The following KY variants were observed in gnomAD, a reference collection of about 807,000 sequenced individuals.
The protein encoded by KY is kyphoscoliosis peptidase.
In KY, 43 loss-of-function variants were observed where a neutral mutation model predicts 76.1. That is an observed-to-expected ratio of 0.57 (90% CI 0.44 to 0.73). KY has a LOEUF of 0.73. Ranked by LOEUF, KY falls within the 30% of genes least tolerant of loss-of-function variation. KY has a pLI of 0.00. For missense variants in KY, 722 were observed against 828.9 expected (o/e 0.87, Z 1.58); for synonymous variants, 277 against 326.2 (o/e 0.85, Z 1.63).
At chr3:134,644,914 G>A (rs1966252177) in intron 2 of KY, among the ~76,000 whole-genome samples, 1 of 152,230 alleles carries the variant, frequency 6.6e-6, no homozygotes. Context: ...CCAATACAGG[G>A]TGATGTGGCA....
chr3:134,625,921 G>A (rs1218487222), intron 5 of KY, among the ~76,000 whole-genome samples: 3 of 152,224 alleles, frequency 2.0e-5, no homozygotes, highest in Non-Finnish European at 4.4e-5. Context: ...CTGATGCAGG[G>A]CCAGCAATCA....
chr3:134,641,300 T>C (rs990782705), intron 3 of KY: 1 of 152,172 alleles, frequency 6.6e-6, no homozygotes, highest in Admixed American at 6.5e-5. Context: ...CCTAATATGG[T>C]AAAGAGGACT....
Position 134,601,535 on chromosome 3 carries a change from G to A in KY, c.*2044C>T, listed in dbSNP as rs1392197002. ...AGCCCATAAAATCAGAAGTGTGCAA[G>A]ACGGCTGTTTTCAGGGTGTAAAACT... is the stretch of plus-strand genomic sequence containing the variant. On this transcript the variant is annotated 3_prime_UTR_variant, in exon 11 of 11. Coordinates refer to ENST00000423778, the MANE Select transcript of KY (RefSeq NM_178554.6). Among the ~76,000 whole-genome samples the A allele has an allele frequency of 1.3e-5, 2 of 152,380 alleles. No individual in the cohort carries two copies. The highest frequency in any genetic ancestry group is 3.9e-4 in the East Asian group (2 of 5,192).
At chr3:134,644,387 C>T (rs1966176097) in intron 2 of KY, among the ~76,000 whole-genome samples, 1 of 152,216 alleles carries the variant, frequency 6.6e-6, no homozygotes, top group Non-Finnish European at 1.5e-5. Context: ...CTTACTTGCC[C>T]TCCCAGGGGA....
rs75888139 is a variant in KY, at chr3:134,644,750, G to T, written c.200-1372C>A. Among the ~76,000 whole-genome samples, 1,074 of 152,332 alleles carry T rather than the reference G, an allele frequency of 7.1e-3. 11 individuals carry two copies. The highest frequency in any genetic ancestry group is 0.024 in the African/African-American group (1,002 of 41,570). On this transcript the variant is annotated intron_variant, in intron 2 of 10. Coordinates refer to ENST00000423778, the MANE Select transcript of KY (RefSeq NM_178554.6). ...GGCCCATGCAGAAGCCAATCAAGGT[G>T]GGGGGTGAGGTACTGAGCCAGGCTG...
rs548777705 is a variant in KY at position 134,608,461 on chromosome 3, C to T, written c.1090+188G>A. ...TGATGTGGCCTATGGCCCTTCCCTG[C>T]CCTGATGGCCTGGGCTGCCTCAGCA... On this transcript the variant is annotated intron_variant, in intron 10 of 10. Transcript: ENST00000423778. The T allele has an allele frequency of 1.7e-4, 252 of 1,526,944 alleles. No individual in the cohort carries two copies. Among genetic ancestry groups the T allele is most frequent in the Admixed American group, 1.6e-3 (82 of 50,640 alleles). The allele number at this position is 1,526,944 out of a possible 1,614,324, so 94.6% of individuals were successfully genotyped here.
chr3:134,605,762 G>A lies in KY; in HGVS notation c.1091-1288C>T, dbSNP rs149101299. Among the ~76,000 whole-genome samples the A allele has an allele frequency of 1.0e-4, 15 of 150,642 alleles. No homozygotes were observed. In the East Asian group the frequency reaches 2.6e-3, roughly 26 times the overall value. ...CACCCTCCAGTGACTTCCTAATAAC[G>A]AGGCCTCTCAGACCTTGGAGGACCT... On this transcript the variant is annotated intron_variant, in intron 10 of 10. Transcript: ENST00000423778.
chr3:134,645,695 C>T (rs1966360967), intron 2 of KY, among the ~76,000 whole-genome samples: 1 of 152,170 alleles, frequency 6.6e-6, no homozygotes, highest in African/African-American at 2.4e-5. Flanking sequence ...CTCTGTGGAG[C>T]CTCTGTCCAG....
At chr3:134,647,247 G>T (rs1474853573) in intron 2 of KY, among the ~76,000 whole-genome samples, 188 bp downstream of exon 2, 1 of 152,194 alleles carries the variant, frequency 6.6e-6, no homozygotes, top group African/African-American at 2.4e-5. Context: ...GGAGAGCAGG[G>T]GACCTGACTC....
chr3:134,612,206 A>G (rs7633868), intron 8 of KY, among the ~76,000 whole-genome samples: 95,418 of 152,038 alleles, frequency 0.63, 30,411 homozygotes, highest in East Asian at 0.87. Context: ...GGAATCCCAT[A>G]AGAACATACC....
intron 6 of KY, 82 bp from the exon 7 acceptor site, chr3:134,620,939 G>C (rs1468344721): frequency 2.5e-6 from 2 of 813,010 alleles, no homozygotes; most frequent in Non-Finnish European, 4.1e-6. Flanking sequence ...TACAGCCAGT[G>C]CTGCTCTTCC....
intron 6 of KY, among the ~76,000 whole-genome samples, 167 bp from the exon 7 acceptor site, chr3:134,621,024 A>G (rs1962532946): frequency 6.6e-6 from 1 of 152,008 alleles, no homozygotes; most frequent in African/African-American, 2.4e-5. Flanking sequence ...GAGGTGGGGG[A>G]AGTTGGACAG....
At chr3:134,626,583 T>A (rs1487838345) in intron 5 of KY, among the ~76,000 whole-genome samples, 1 of 152,196 alleles carries the variant, frequency 6.6e-6, no homozygotes, top group Non-Finnish European at 1.5e-5. Context: ...TCGTCAGGGC[T>A]GCCACTGTCA....
chr3:134,608,722 G>A lies in KY; in HGVS notation c.1017C>T (p.Asn339=), dbSNP rs778485018. ...TGTAGAATTCACTCTTGTGATACAT[G>A]TTGTTCTCAAACTGCCTCAGAGATT... ...PPQSLRQFEN[N]MYHKSEFYNK... is the part of the protein sequence containing the mutation. Residue 339 remains asparagine (N), a synonymous_variant, in exon 10 of 11, where the codon AAC becomes AAT. Coordinates refer to ENST00000423778, the MANE Select transcript of KY (RefSeq NM_178554.6). The A allele has an allele frequency of 6.2e-7, 1 of 1,614,052 alleles. No homozygotes were observed. Among genetic ancestry groups the A allele is most frequent in the South Asian group, 1.1e-5 (1 of 91,082 alleles).
chr3:134,607,601 G>A (rs1959433756), intron 10 of KY: 4 of 985,498 alleles, frequency 4.1e-6, no homozygotes, highest in Admixed American at 6.1e-5. Context: ...ACTGGATCAG[G>A]TGCCAAGGCC....
chr3:134,617,508 A>T (rs1961775065), intron 8 of KY, among the ~76,000 whole-genome samples: 1 of 152,232 alleles, frequency 6.6e-6, no homozygotes, highest in South Asian at 2.1e-4. Flanking sequence ...AACCGAGCAC[A>T]GGTAATTCCT....
intron 3 of KY, among the ~76,000 whole-genome samples, chr3:134,631,288 C>A (rs1357006564): frequency 1.3e-5 from 2 of 151,976 alleles, no homozygotes; most frequent in Non-Finnish European, 2.9e-5. Flanking sequence ...GACACATAAC[C>A]AAACTATTAA....
At chr3:134,610,537 A>G (rs1960185606) in intron 8 of KY, 154 bp from the exon 9 acceptor site, 3 of 652,410 alleles carry the variant, frequency 4.6e-6, no homozygotes, top group Admixed American at 6.0e-5. Context: ...AACAGCCTTG[A>G]TGGCTTTTAT....
intron 6 of KY, among the ~76,000 whole-genome samples, chr3:134,621,519 A>ATAAACTTCTAC (rs1235761483): frequency 2.0e-5 from 3 of 152,204 alleles, no homozygotes; most frequent in Non-Finnish European, 4.4e-5. Context: ...TCCACATGCA[A>ATAAACTTCTAC]AAGAATAAAC....
Sources: allele counts gnomAD v4.1 joint callset (sites outside exome capture counted in the v4.1 genomes callset), GRCh38; gene constraint gnomAD v4.1.1; transcripts MANE v1.5; gene names NCBI Gene and HGNC (gene_info 2026-07-23, HGNC 2026-07-21).